The following ATP10B variants were observed in gnomAD, a reference collection of about 807,000 sequenced individuals.
The protein encoded by ATP10B is phospholipid-transporting ATPase VB.
A neutral mutation model predicts 141.2 loss-of-function variants in ATP10B; 122 were observed. The ratio of observed to expected loss-of-function variants is 0.86; its 90% CI spans 0.75 to 1.00. ATP10B has a LOEUF of 1.00. Ranked by LOEUF, ATP10B falls within the 50% of genes least tolerant of loss-of-function variation. The pLI is 0.00. For synonymous variants in ATP10B, 685 were observed against 692.0 expected, an observed-to-expected ratio of 0.99 and a Z score of 0.16; for missense variants, 1,876 against 1,825.3, an observed-to-expected ratio of 1.03 and a Z score of -0.51.
At chr5:160,814,990 A>T (rs949458228) in intron 1 of ATP10B, among the ~76,000 whole-genome samples, 1 of 152,208 alleles carries the variant, frequency 6.6e-6, no homozygotes, top group Admixed American at 6.5e-5. Context: ...AGGAAGCACT[A>T]AACATGGAAA....
chr5:160,874,390 C>T, the ATP10B span, among the ~76,000 whole-genome samples: 1 of 152,118 alleles, frequency 6.6e-6, no homozygotes, highest in African/African-American at 2.4e-5. Context: ...CTGTACATCA[C>T]CATCGTCAAA....
chr5:160,568,970 A>G (rs1322069892), intron 25 of ATP10B, among the ~76,000 whole-genome samples: 2 of 152,220 alleles, frequency 1.3e-5, no homozygotes, highest in African/African-American at 4.8e-5. Flanking sequence ...GTATTTAAAC[A>G]CTGGCAATTT....
intron 2 of ATP10B, among the ~76,000 whole-genome samples, chr5:160,735,658 T>C (rs1173975595): frequency 6.6e-6 from 1 of 152,120 alleles, no homozygotes; most frequent in African/African-American, 2.4e-5. Flanking sequence ...TACTAGATAA[T>C]CACAGAACAT....
chr5:160,698,830 T>C (rs765738318), intron 3 of ATP10B, among the ~76,000 whole-genome samples: 1 of 152,064 alleles, frequency 6.6e-6, no homozygotes, highest in African/African-American at 2.4e-5. Context: ...CTTGGGGAAG[T>C]AGAAATAGCC....
chr5:160,905,403 TCTC>T, the ATP10B span, among the ~76,000 whole-genome samples: 19 of 152,258 alleles, frequency 1.2e-4, no homozygotes, highest in Non-Finnish European at 1.9e-4. Flanking sequence ...AAGTTATTCA[TCTC>T]CTCAAGTCCT....
At chr5:160,630,895 C>T (rs1314367607) in intron 13 of ATP10B, among the ~76,000 whole-genome samples, 4 of 152,194 alleles carry the variant, frequency 2.6e-5, no homozygotes. Flanking sequence ...AACAGAGGCT[C>T]ACAGTGTTTC....
chr5:160,900,047 C>T, the ATP10B span, among the ~76,000 whole-genome samples: 1 of 152,082 alleles, frequency 6.6e-6, no homozygotes. Context: ...TGTTATTTTT[C>T]CCCGCATAAG....
intron 24 of ATP10B, among the ~76,000 whole-genome samples, chr5:160,576,783 T>C (rs1755218381): frequency 6.6e-6 from 1 of 152,118 alleles, no homozygotes; most frequent in South Asian, 2.1e-4. Flanking sequence ...GGGGTCTAAG[T>C]ATGAAGTAGG....
intron 22 of ATP10B, among the ~76,000 whole-genome samples, chr5:160,594,319 G>A (rs993202032): frequency 3.3e-5 from 5 of 152,056 alleles, no homozygotes; most frequent in African/African-American, 4.8e-5. Flanking sequence ...AATAAAATCC[G>A]TTACAGACAG....
chr5:160,755,880 A>ATTG (rs1768563940), intron 2 of ATP10B, among the ~76,000 whole-genome samples: 1 of 123,240 alleles, frequency 8.1e-6, no homozygotes, highest in African/African-American at 2.8e-5. Flanking sequence ...TATATATATT[A>ATTG]TAATTTTATG....
chr5:160,634,262 A>G, intron 12 of ATP10B, 92 bp downstream of exon 12: 1 of 1,581,024 alleles, frequency 6.3e-7, no homozygotes. Flanking sequence ...CCTCTAAGAG[A>G]GCCAGGAGAA....
the ATP10B span, among the ~76,000 whole-genome samples, chr5:160,890,590 T>G: frequency 6.6e-6 from 1 of 152,238 alleles, no homozygotes; most frequent in Non-Finnish European, 1.5e-5. Context: ...GAAATTGCTT[T>G]TCTCTGTAGC....
chr5:160,613,456 A>G (rs1026974680), intron 17 of ATP10B, among the ~76,000 whole-genome samples: 4 of 152,218 alleles, frequency 2.6e-5, no homozygotes, highest in Non-Finnish European at 4.4e-5. Context: ...AGTGAAAGTT[A>G]TTCAAGGGTG....
chr5:160,603,954 G>T lies in ATP10B; in HGVS notation c.3237+11C>A. ...GACCAAAGAAAGAAGAATAGTTGCA[G>T]AGAACAATACCTGCATGCCTTCCTG... is the stretch of plus-strand genomic sequence containing the variant. On this transcript the variant is annotated intron_variant, in intron 20 of 25. Coordinates refer to ENST00000327245, the MANE Select transcript of ATP10B (RefSeq NM_025153.3). The T allele has an allele frequency of 6.2e-7, 1 of 1,609,094 alleles. No individual in the cohort carries two copies. Among genetic ancestry groups the T allele is most frequent in the Non-Finnish European group, 8.5e-7 (1 of 1,175,740 alleles).
intron 7 of ATP10B, among the ~76,000 whole-genome samples, chr5:160,664,474 A>C (rs1407388999): frequency 2.6e-5 from 4 of 152,212 alleles, no homozygotes; most frequent in Non-Finnish European, 5.9e-5. Context: ...AGCTAGTCAA[A>C]AGGGAGACTC....
At chr5:160,690,317 C>G (rs1243522037) in intron 3 of ATP10B, among the ~76,000 whole-genome samples, 1 of 152,150 alleles carries the variant, frequency 6.6e-6, no homozygotes, top group Non-Finnish European at 1.5e-5. Flanking sequence ...ATGACTAAAA[C>G]ACCAAAAGCA....
chr5:160,602,292 G>C (rs1446223974), intron 21 of ATP10B, among the ~76,000 whole-genome samples: 1 of 152,090 alleles, frequency 6.6e-6, no homozygotes, highest in African/African-American at 2.4e-5. Context: ...TAAACCCAAC[G>C]TGTCTGACTC....
chr5:160,817,928 G>A (rs1400931258), intron 1 of ATP10B, among the ~76,000 whole-genome samples: 3 of 152,144 alleles, frequency 2.0e-5, no homozygotes, highest in Admixed American at 1.3e-4. Context: ...AATGGTGCTG[G>A]GGGAACTGGC....
chr5:160,827,285 TC>T (rs1554122369), intron 1 of ATP10B, among the ~76,000 whole-genome samples: 1 of 152,190 alleles, frequency 6.6e-6, no homozygotes, highest in African/African-American at 2.4e-5. Context: ...GGGGGCAGGT[TC>T]CCCTGATACC....
Sources: allele counts gnomAD v4.1 joint callset (sites outside exome capture counted in the v4.1 genomes callset), GRCh38; gene constraint gnomAD v4.1.1; transcripts MANE v1.5; gene names NCBI Gene and HGNC (gene_info 2026-07-23, HGNC 2026-07-21).